The following CCNY variants were observed in gnomAD, a reference collection of about 807,000 sequenced individuals.
CCNY encodes cyclin Y.
Under a neutral mutation model 42.8 loss-of-function variants are expected in CCNY, and 19 were observed. The observed-to-expected ratio is 0.44, with a 90% CI of 0.31 to 0.65. CCNY has a LOEUF of 0.65. Among genes scored for constraint, CCNY ranks in the 30% least tolerant of loss-of-function variants. The pLI, the probability that CCNY is intolerant of heterozygous loss-of-function variation, is 0.07. For synonymous variants in CCNY, 165 were observed against 162.7 expected (o/e 1.01, Z -0.11); for missense variants, 370 against 437.3 (o/e 0.85, Z 1.37).
intron 7 of CCNY, among the ~76,000 whole-genome samples, chr10:35,538,991 G>A (rs138482722): frequency 0.017 from 2,600 of 152,206 alleles, 28 homozygotes; most frequent in Non-Finnish European, 0.029. Context: ...TTGTGCATTT[G>A]GATATCCAGT....
intron 1 of CCNY, among the ~76,000 whole-genome samples, chr10:35,372,559 A>G (rs1303379314): frequency 3.3e-5 from 5 of 151,880 alleles, no homozygotes; most frequent in Non-Finnish European, 7.4e-5. Context: ...CACTCCCTAC[A>G]TTGTTTCCTG....
At chr10:35,323,586 T>G (rs1439515494) in intron 3 of CCNY, among the ~76,000 whole-genome samples, 2 of 152,110 alleles carry the variant, frequency 1.3e-5, no homozygotes, top group Non-Finnish European at 2.9e-5. Context: ...AAAAGACAAA[T>G]CTGATCCACA....
intron 1 of CCNY, among the ~76,000 whole-genome samples, chr10:35,382,837 T>G (rs995390329): frequency 3.9e-5 from 6 of 152,188 alleles, no homozygotes; most frequent in African/African-American, 1.4e-4. Context: ...TAATTATAAT[T>G]GTTGTTATTA....
intron 1 of CCNY, among the ~76,000 whole-genome samples, chr10:35,355,047 T>G (rs772971257): frequency 7.2e-5 from 11 of 152,074 alleles, no homozygotes; most frequent in Admixed American, 2.6e-4. Flanking sequence ...GGAGAGAGGA[T>G]TGAGTTTCCT....
chr10:35,275,056 CTT>C (rs34467762), intron 3 of CCNY, among the ~76,000 whole-genome samples: 5 of 64,896 alleles, frequency 7.7e-5, no homozygotes, highest in Non-Finnish European at 1.3e-4. Context: ...ACCGTCATTC[CTT>C]TTTTTTTTTT....
rs1014177512 is a variant in CCNY at position 35,400,042 on chromosome 10, C to T, written c.154+62835C>T. The stretch of plus-strand genomic sequence containing the variant: ...TGGAGCTGGAGTCTCAGAGAAGGGA[C>T]ATGCAATGGGTCCCTTCTGACACCT... On this transcript the variant is annotated intron_variant, in intron 1 of 9. Transcript: ENST00000374704. 2.0e-5 allele frequency among the ~76,000 whole-genome samples: 3 copies of T among 151,944 alleles called. No homozygotes were observed. In the East Asian group the frequency reaches 6.1e-4, roughly 31 times the overall value.
intron 8 of CCNY, among the ~76,000 whole-genome samples, chr10:35,565,655 G>A (rs550347852): frequency 5.3e-5 from 8 of 152,180 alleles, no homozygotes; most frequent in Non-Finnish European, 8.8e-5. Context: ...GGGCCCCTGC[G>A]GAAGGGCCCT....
chr10:35,563,906 C>T (rs904124934), intron 8 of CCNY, among the ~76,000 whole-genome samples: 3 of 146,462 alleles, frequency 2.0e-5, no homozygotes, highest in Admixed American at 1.4e-4. Flanking sequence ...GACAGAGTTT[C>T]GCTCTTGTAG....
intron 3 of CCNY, among the ~76,000 whole-genome samples, chr10:35,253,052 CA>C (rs1334322185): frequency 3.3e-5 from 5 of 152,122 alleles, no homozygotes; most frequent in African/African-American, 1.2e-4. Context: ...GACAAAAATT[CA>C]CGGGACTGAA....
intron 3 of CCNY, among the ~76,000 whole-genome samples, chr10:35,316,914 C>T (rs771422743): frequency 7.9e-5 from 12 of 152,152 alleles, no homozygotes; most frequent in Middle Eastern, 3.2e-3. Flanking sequence ...GGTGCAATCT[C>T]GCCTCACTGC....
At chr10:35,429,899 G>A (rs1352288113) in intron 1 of CCNY, among the ~76,000 whole-genome samples, 1 of 152,166 alleles carries the variant, frequency 6.6e-6, no homozygotes, top group Non-Finnish European at 1.5e-5. Context: ...TTGAATATTT[G>A]ACTTACAGTT....
chr10:35,438,080 C>G (rs1196028223), intron 1 of CCNY, among the ~76,000 whole-genome samples: 1 of 151,778 alleles, frequency 6.6e-6, no homozygotes, highest in Non-Finnish European at 1.5e-5. Flanking sequence ...TATCATCATA[C>G]AAATGATAGC....
At chr10:35,308,828 G>A (rs1835647425) in intron 3 of CCNY, among the ~76,000 whole-genome samples, 1 of 152,158 alleles carries the variant, frequency 6.6e-6, no homozygotes, top group Non-Finnish European at 1.5e-5. Context: ...AAAGGAAACA[G>A]TGAAGTCTAG....
chr10:35,337,938 C>G (rs951945266), intron 1 of CCNY, among the ~76,000 whole-genome samples: 2 of 152,172 alleles, frequency 1.3e-5, no homozygotes, highest in Admixed American at 6.5e-5. Flanking sequence ...AAAGCTAAGA[C>G]TAATTACTGC....
intron 1 of CCNY, among the ~76,000 whole-genome samples, chr10:35,480,435 G>A (rs973677822): frequency 1.3e-5 from 2 of 152,080 alleles, no homozygotes; most frequent in Non-Finnish European, 2.9e-5. Context: ...GGTGGAGGGC[G>A]AGGGTGCCAT....
intron 1 of CCNY, among the ~76,000 whole-genome samples, chr10:35,371,151 G>A (rs1421929664): frequency 6.6e-6 from 1 of 152,204 alleles, no homozygotes; most frequent in African/African-American, 2.4e-5. Flanking sequence ...CTTCAAAGCA[G>A]GGACTATATG....
intron 3 of CCNY, among the ~76,000 whole-genome samples, chr10:35,509,399 C>G (rs1840276950): frequency 6.6e-6 from 1 of 152,112 alleles, no homozygotes; most frequent in South Asian, 2.1e-4. Flanking sequence ...CCTCAGCCTC[C>G]TGAGTAGCTG....
chr10:35,438,445 C>G (rs1331960470), intron 1 of CCNY, among the ~76,000 whole-genome samples: 1 of 152,150 alleles, frequency 6.6e-6, no homozygotes, highest in Non-Finnish European at 1.5e-5. Flanking sequence ...CATGAGCCAT[C>G]ATGCTTGGCC....
At chr10:35,274,674 T>G (rs1162118131) in intron 3 of CCNY, among the ~76,000 whole-genome samples, 1 of 152,160 alleles carries the variant, frequency 6.6e-6, no homozygotes, top group Admixed American at 6.5e-5. Context: ...AAGTGTAATG[T>G]GACAGAAGGC....
Sources: gnomAD v4.1 joint callset for allele counts (sites outside exome capture counted in the v4.1 genomes callset) on GRCh38, gnomAD v4.1.1 for gene constraint, MANE v1.5 for transcripts, NCBI Gene and HGNC (gene_info 2026-07-23, HGNC 2026-07-21) for gene names.